AKNA: variants seen among roughly 807,000 people sequenced by gnomAD.
AKNA encodes the protein microtubule organization protein AKNA.
AKNA carries 67 observed loss-of-function variants against 138.8 expected under a neutral mutation model. The ratio of observed to expected loss-of-function variants is 0.48; its 90% CI spans 0.40 to 0.59. AKNA has a LOEUF of 0.59. Ranked by LOEUF, AKNA falls within the 20% of genes least tolerant of loss-of-function variation. AKNA has a pLI of 0.00. For missense variants in AKNA, 1,813 were observed against 1,880.4 expected (o/e 0.96, Z 0.66); for synonymous variants, 737 against 754.4 (o/e 0.98, Z 0.38).
At chr9:114,346,826 T>C (rs1830722492) in intron 16 of AKNA, 42 bp from the exon 17 acceptor site, 1 of 1,551,246 alleles carries the variant, frequency 6.4e-7, no homozygotes, top group East Asian at 2.3e-5. Flanking sequence ...GATGAGGTTT[T>C]GTGTGGCCTT....
intron 4 of AKNA, among the ~76,000 whole-genome samples, chr9:114,372,423 A>G (rs1832839714): frequency 6.6e-6 from 1 of 152,168 alleles, no homozygotes; most frequent in South Asian, 2.1e-4. Context: ...CCCGCCTGTC[A>G]CTGTGGCTGG....
At chr9:114,395,391 A>T (rs1038654106), upstream of AKNA, among the ~76,000 whole-genome samples, 1 of 151,968 alleles carries the variant, frequency 6.6e-6, no homozygotes, top group African/African-American at 2.4e-5. Context: ...GCACAATGAC[A>T]AATCTTAGGG....
At chr9:114,383,082 GTGGTTTCGCCGCCGA>G in intron 1 of AKNA, 1 of 455,336 alleles carries the variant, frequency 2.2e-6, no homozygotes, top group South Asian at 1.6e-5. Context: ...GGACCTGGGA[GTGGTTTCGCCGCCGA>G]TGGCTGGGGT....
chr9:114,379,365 C>T (rs1408788842), intron 2 of AKNA, among the ~76,000 whole-genome samples: 4 of 152,262 alleles, frequency 2.6e-5, no homozygotes, highest in Non-Finnish European at 4.4e-5. Context: ...ATAGTAAAGG[C>T]ACAGGACAAG....
chr9:114,376,318 G>A lies in AKNA; in HGVS notation c.1341+148C>T, dbSNP rs149766271. 1,585 of 183,636 alleles carry A rather than the reference G, an allele frequency of 8.6e-3. 48 individuals carry two copies. Among genetic ancestry groups the A allele is most frequent in the African/African-American group, 0.079 (1,365 of 17,196 alleles). The allele number at this position is 183,636 out of a possible 1,614,324, so 11.4% of individuals were successfully genotyped here. A position where few individuals can be genotyped will look rare whatever the true frequency, so the allele number is the denominator to read the frequency against. Reference sequence around the variant, plus strand: ...AGGCCTCCCCACCCCACCAGCCTCCGTCCTAGGGCTTCCCACCCCAGCCAG... The same window carrying A: ...AGGCCTCCCCACCCCACCAGCCTCCATCCTAGGGCTTCCCACCCCAGCCAG... On this transcript the variant is annotated intron_variant, in intron 3 of 21. Coordinates refer to ENST00000374088, the MANE Select transcript of AKNA (RefSeq NM_001317950.2).
intron 14 of AKNA, among the ~76,000 whole-genome samples, chr9:114,355,462 C>G (rs1448465699): frequency 6.6e-6 from 1 of 152,222 alleles, no homozygotes; most frequent in African/African-American, 2.4e-5. Flanking sequence ...CAGGCACGAG[C>G]CGCTGCACCC....
At position 114,337,012 on chromosome 9, in the gene AKNA, T is replaced by TTGGGGGG; in HGVS notation, c.*41_*42insCCCCCCA. The TTGGGGGG allele has an allele frequency of 3.0e-4, 362 of 1,207,806 alleles. No individual in the cohort carries two copies. The highest frequency in any genetic ancestry group is 3.3e-4 in the Non-Finnish European group (310 of 929,028). 74.8% of individuals were successfully genotyped at this position (1,207,806 alleles called of 1,614,324 possible). On this transcript the variant is annotated 3_prime_UTR_variant, in exon 22 of 22. Coordinates refer to ENST00000374088, the MANE Select transcript of AKNA (RefSeq NM_001317950.2). ...CCCACTCCTGGCCTGGCAGGCCACC[T>TTGGGGGG]GCCCACCCACCCACCCATCTGCCTC...
Position 114,337,072 on chromosome 9 carries a change from C to T in AKNA, c.4302G>A (p.Arg1434=). 1 of 1,539,558 alleles carries T rather than the reference C, an allele frequency of 6.5e-7. No individual in the cohort carries two copies. Among genetic ancestry groups the T allele is most frequent in the East Asian group, 2.4e-5 (1 of 41,220 alleles). ...SADLRQAHSL[R]GSCLF ...AGTGAAGTCAGAAGAGGCAGGAGCC[C>T]CGCAGGCTGTGAGCCTGGCGCAGGT... The change falls in exon 22 of 22, where the codon CGG becomes CGA. Residue 1434 remains arginine, a synonymous_variant. Transcript: ENST00000374088.
Position 114,381,126 on chromosome 9 carries a change from C to T in AKNA, c.208G>A (p.Glu70Lys). 1 of 1,612,480 alleles carries T rather than the reference C, an allele frequency of 6.2e-7. No individual in the cohort carries two copies. The highest frequency in any genetic ancestry group is 8.5e-7 in the Non-Finnish European group (1 of 1,179,432). ...RLAQQHLPPL[E>K]WDPHPQPDGH... ...TCGGGCTGCGGGTGTGGGTCCCACT[C>T]CAGGGGCGGCAGGTGCTGCTGGGCC... Residue 70 changes from glutamate to lysine, a missense_variant, in exon 2 of 22, where the codon GAG becomes AAG. Glu to Lys is a moderately conservative substitution (Grantham distance 56). Transcript: ENST00000374088.
At chr9:114,347,610 A>C in intron 16 of AKNA, 114 bp downstream of exon 16, 3 of 1,080,052 alleles carry the variant, frequency 2.8e-6, no homozygotes, top group Non-Finnish European at 3.9e-6. Flanking sequence ...TGAATGAGTG[A>C]GAGAGGGATG....
rs1829935951 is a variant in AKNA at position 114,334,947 on chromosome 9, C to T, written c.*2107G>A. 6.6e-6 allele frequency: 1 copy of T among 152,226 alleles called. No homozygotes were observed. Among genetic ancestry groups the T allele is most frequent in the Non-Finnish European group, 1.5e-5 (1 of 68,078 alleles). The allele number at this position is 152,226 out of a possible 1,614,324, so 9.4% of individuals were successfully genotyped here. A position where few individuals can be genotyped will look rare whatever the true frequency, so the allele number is the denominator to read the frequency against. Reference sequence around the variant, plus strand: ...GAGGCTGGGGACACCGAGCTGATGTCCTCAGAAGGCAAGTGGACAGGACAG... The same window carrying T: ...GAGGCTGGGGACACCGAGCTGATGTTCTCAGAAGGCAAGTGGACAGGACAG... On this transcript the variant is annotated 3_prime_UTR_variant, in exon 22 of 22. Transcript: ENST00000374088.
intron 15 of AKNA, chr9:114,349,084 G>C (rs80100899): frequency 9.7e-6 from 4 of 414,492 alleles, no homozygotes; most frequent in East Asian, 7.2e-5. Context: ...GCAAAGCCAC[G>C]AGGGCAAGTG....
Position 114,336,183 on chromosome 9 carries a change from T to C in AKNA, c.*871A>G, listed in dbSNP as rs1829982812. 6.5e-6 allele frequency: 1 copy of C among 152,706 alleles called. No individual in the cohort carries two copies. The highest frequency in any genetic ancestry group is 2.4e-5 in the African/African-American group (1 of 41,468). 9.5% of individuals were successfully genotyped at this position (152,706 alleles called of 1,614,324 possible). A position where few individuals can be genotyped will look rare whatever the true frequency, so the allele number is the denominator to read the frequency against. On this transcript the variant is annotated 3_prime_UTR_variant, in exon 22 of 22. Coordinates refer to ENST00000374088, the MANE Select transcript of AKNA (RefSeq NM_001317950.2). The stretch of plus-strand genomic sequence containing the variant: ...TTTTTTTAAGATCAATATTCATTCT[T>C]CATTTGCCCTCGTAACGAAAATAGA...
At chr9:114,341,818 G>C (rs1029785029) in intron 20 of AKNA, 93 bp from the exon 21 acceptor site, 10 of 1,411,332 alleles carry the variant, frequency 7.1e-6, no homozygotes, top group Admixed American at 4.5e-5. Context: ...TCCCCTATGA[G>C]AGCTGGACAG....
chr9:114,374,338 G>C (rs1833013632), intron 3 of AKNA, among the ~76,000 whole-genome samples, 171 bp from the exon 4 acceptor site: 1 of 152,218 alleles, frequency 6.6e-6, no homozygotes, highest in Admixed American at 6.5e-5. Flanking sequence ...GTGCAACACA[G>C]ACCCACCACG....
chr9:114,393,583 G>GA (rs1268008426), intron 1 of AKNA, among the ~76,000 whole-genome samples: 2 of 152,050 alleles, frequency 1.3e-5, no homozygotes, highest in African/African-American at 2.4e-5. Flanking sequence ...AAAATGGTTG[G>GA]AAACAATAGC....
At chr9:114,364,163 A>T (rs1425395265) in intron 7 of AKNA, among the ~76,000 whole-genome samples, 2 of 151,722 alleles carry the variant, frequency 1.3e-5, no homozygotes, top group African/African-American at 4.8e-5. Context: ...AGTGATTATG[A>T]CCCTGGATTT....
In AKNA at chr9:114,355,953, G is replaced by T; in HGVS notation, c.3030C>A (p.Ser1010Arg). 1 of 1,614,216 alleles carries T rather than the reference G, an allele frequency of 6.2e-7. No homozygotes were observed. The highest frequency in any genetic ancestry group is 8.5e-7 in the Non-Finnish European group (1 of 1,180,044). Reference sequence around the variant, plus strand: ...TCTCGGCTGCCAGTGTCCGCTCCAGGCTGAAGTTGGGTGCCCTCTGCCGGA... The same window carrying T: ...TCTCGGCTGCCAGTGTCCGCTCCAGTCTGAAGTTGGGTGCCCTCTGCCGGA... ...GPLRQRAPNFSLERTLAAEMA... is the reference protein window; with the variant it reads ...GPLRQRAPNFRLERTLAAEMA... The change falls in exon 14 of 22, where the codon AGC becomes AGA. Residue 1010 changes from serine to arginine, a missense_variant. Transcript: ENST00000374088.
chr9:114,331,591 A>G (rs1829852589), downstream of AKNA: 2 of 1,613,712 alleles, frequency 1.2e-6, no homozygotes, highest in Admixed American at 1.7e-5. Flanking sequence ...CATGTTGCTC[A>G]CCTGCTGTTC....
Sources: allele counts gnomAD v4.1 joint callset (sites outside exome capture counted in the v4.1 genomes callset), GRCh38; gene constraint gnomAD v4.1.1; transcripts MANE v1.5; gene names NCBI Gene and HGNC (gene_info 2026-07-23, HGNC 2026-07-21).